Variants in SLC25A53 observed in about 807,000 individuals in gnomAD.
SLC25A53 encodes the protein mitochondrial carrier triple repeat protein 6.
In SLC25A53, 5 loss-of-function variants were observed where a neutral mutation model predicts 15.0. That is an observed-to-expected ratio of 0.33 (90% CI 0.17 to 0.70). SLC25A53 has a LOEUF of 0.70. Among genes scored for constraint, SLC25A53 ranks in the 30% least tolerant of loss-of-function variants. The pLI is 0.67. For synonymous variants in SLC25A53, 95 were observed against 100.0 expected (o/e 0.95, Z 0.30); for missense variants, 216 against 241.6 (o/e 0.89, Z 0.70).
chrX:104,118,146 G>A (rs1229424993), intron 1 of SLC25A53, among the ~76,000 whole-genome samples: 1 of 112,651 alleles, frequency 8.9e-6, no homozygotes, highest in Non-Finnish European at 1.9e-5. Flanking sequence ...ACAGGGTTAA[G>A]TGAAAGAAGG....
In SLC25A53 at chrX:104,102,460, G is replaced by A. The variant is rs2075285333; in HGVS notation, c.*1874C>T. 8.9e-6 allele frequency: 1 copy of A among 112,379 alleles called. No individual in the cohort carries two copies. Among genetic ancestry groups the A allele is most frequent in the South Asian group, 3.7e-4 (1 of 2,716 alleles). 9.3% of individuals were successfully genotyped at this position (112,379 alleles called of 1,213,427 possible). ...AACTCATCAAATGTGCCAGTTGAAA[G>A]TAATTTTTATTATTGTTATTATTAT... On this transcript the variant is annotated 3_prime_UTR_variant, in exon 2 of 2. Transcript: ENST00000594199.
At chrX:104,149,267 C>A (rs1286344080) in intron 1 of SLC25A53, among the ~76,000 whole-genome samples, 1 of 112,605 alleles carries the variant, frequency 8.9e-6, no homozygotes, top group Non-Finnish European at 1.9e-5. Flanking sequence ...CGTAATAAAC[C>A]AATCCAAATT....
chrX:104,139,486 C>T (rs1426716440), intron 1 of SLC25A53, among the ~76,000 whole-genome samples: 1 of 111,617 alleles, frequency 9.0e-6, no homozygotes, highest in African/African-American at 3.3e-5. Flanking sequence ...CACTGCACTC[C>T]AGCCTAGACA....
intron 1 of SLC25A53, among the ~76,000 whole-genome samples, chrX:104,124,140 T>C (rs781934488): frequency 8.9e-6 from 1 of 111,832 alleles, no homozygotes; most frequent in Non-Finnish European, 1.9e-5. Flanking sequence ...ATCGCCACAC[T>C]GTCTTCCACA....
At chrX:104,130,321 C>T (rs1602498895) in intron 1 of SLC25A53, among the ~76,000 whole-genome samples, 1 of 111,435 alleles carries the variant, frequency 9.0e-6, no homozygotes, top group Non-Finnish European at 1.9e-5. Context: ...GACAAGCTGA[C>T]TCTGTGGAAG....
In SLC25A53 at chrX:104,104,558, C is replaced by A; in HGVS notation, c.700G>T (p.Val234Leu). The part of the protein sequence containing the change: ...ITCLVLYPLI[V>L]LVANMQSHIG... ...TGGGACTGCATATTAGCAACCAGCA[C>A]AATCAGAGGATACAGAACTAGGCAG... is the stretch of plus-strand genomic sequence containing the variant. The change falls in exon 2 of 2, where the codon GTG becomes TTG. Residue 234 changes from valine (V) to leucine (L), a missense_variant. Val to Leu is a conservative substitution (Grantham distance 32, BLOSUM62 1). Coordinates refer to ENST00000594199, the MANE Select transcript of SLC25A53 (RefSeq NM_001012755.5). 8.3e-7 allele frequency: 1 copy of A among 1,211,841 alleles called. No homozygotes were observed. The highest frequency in any genetic ancestry group is 1.1e-6 in the Non-Finnish European group (1 of 895,494).
Position 104,105,210 on chromosome X carries a change from C to T in SLC25A53, c.48G>A (p.Thr16=), listed in dbSNP as rs781946046. The T allele has an allele frequency of 1.2e-4, 144 of 1,210,002 alleles. No homozygotes were observed. The highest frequency in any genetic ancestry group is 5.9e-4 in the Admixed American group (27 of 45,846). Reference sequence around the variant, plus strand: ...TTTTCTTTCCTGGAGCCTCTGCTCGCGTCCTGTGCTGAAGCTCCTTCCCGG... The same window carrying T: ...TTTTCTTTCCTGGAGCCTCTGCTCGTGTCCTGTGCTGAAGCTCCTTCCCGG... The part of the protein sequence containing the change: ...HSPGKELQHR[T]RAEAPGKKSW... Residue 16 remains threonine, a synonymous_variant, in exon 2 of 2, where the codon ACG becomes ACA. Coordinates refer to ENST00000594199, the MANE Select transcript of SLC25A53 (RefSeq NM_001012755.5).
At chrX:104,113,689 TC>T in intron 1 of SLC25A53, 1 of 131,943 alleles carries the variant, frequency 7.6e-6, no homozygotes, top group African/African-American at 3.2e-5. Context: ...ACCATTGAGT[TC>T]CGTTTTGAGG....
At chrX:104,149,272 C>T (rs1409036022) in intron 1 of SLC25A53, among the ~76,000 whole-genome samples, 2 of 112,623 alleles carry the variant, frequency 1.8e-5, no homozygotes, top group Admixed American at 1.9e-4. Context: ...TAAACCAATC[C>T]AAATTTAGTG....
At chrX:104,114,202 A>G (rs2075364166) in intron 1 of SLC25A53, 3 of 1,208,385 alleles carry the variant, frequency 2.5e-6, no homozygotes, top group South Asian at 1.8e-5. Flanking sequence ...GTCTCTGGGG[A>G]GGAGTCTCTG....
intron 1 of SLC25A53, chrX:104,114,027 C>T: frequency 1.7e-6 from 2 of 1,187,816 alleles, no homozygotes; most frequent in South Asian, 1.9e-5. Context: ...AGCCCAGGAA[C>T]GTTGCTTTGG....
rs782567637 is a variant in SLC25A53, at chrX:104,101,979, G to A, written c.*2355C>T. ...GAAATCACCAGTGTACTTGGGAGAT[G>A]AATGCATCTTTTTCCTTTCCTTATG... is the stretch of plus-strand genomic sequence containing the variant. On this transcript the variant is annotated 3_prime_UTR_variant, in exon 2 of 2. Coordinates refer to ENST00000594199, the MANE Select transcript of SLC25A53 (RefSeq NM_001012755.5). 8.9e-6 allele frequency: 1 copy of A among 112,325 alleles called. No individual in the cohort carries two copies. Among genetic ancestry groups the A allele is most frequent in the East Asian group, 2.8e-4 (1 of 3,580 alleles). The allele number at this position is 112,325 out of a possible 1,213,427, so 9.3% of individuals were successfully genotyped here. A position where few individuals can be genotyped will look rare whatever the true frequency, so the allele number is the denominator to read the frequency against.
intron 1 of SLC25A53, among the ~76,000 whole-genome samples, chrX:104,141,723 G>A (rs1372466064): frequency 1.8e-5 from 2 of 110,866 alleles, no homozygotes; most frequent in Non-Finnish European, 3.8e-5. Context: ...GAGTAGCTGG[G>A]ACCACAGGCA....
chrX:104,123,502 G>T (rs1000650704), intron 1 of SLC25A53, among the ~76,000 whole-genome samples: 3 of 112,240 alleles, frequency 2.7e-5, no homozygotes, highest in African/African-American at 9.7e-5. Flanking sequence ...AAATTTGAGA[G>T]AAATTGTTCT....
chrX:104,154,351 T>C (rs1337357925), intron 1 of SLC25A53, among the ~76,000 whole-genome samples: 1 of 112,012 alleles, frequency 8.9e-6, no homozygotes, highest in Non-Finnish European at 1.9e-5. Flanking sequence ...GGCCAGGATA[T>C]GGAGAAAAGG....
chrX:104,101,448 C>T lies in SLC25A53; in HGVS notation c.*2886G>A, dbSNP rs1412898802. On this transcript the variant is annotated 3_prime_UTR_variant, in exon 2 of 2. Coordinates refer to ENST00000594199, the MANE Select transcript of SLC25A53 (RefSeq NM_001012755.5). ...CTTGGTCTTCCTGGTGACTAGTTCC[C>T]ATCCTGAAGCAACCAGAGGCTGCCA... 1 of 112,075 alleles carries T rather than the reference C, an allele frequency of 8.9e-6. No homozygotes were observed. Among genetic ancestry groups the T allele is most frequent in the Non-Finnish European group, 1.9e-5 (1 of 53,235 alleles). The allele number at this position is 112,075 out of a possible 1,213,427, so 9.2% of individuals were successfully genotyped here. A position where few individuals can be genotyped will look rare whatever the true frequency, so the allele number is the denominator to read the frequency against.
At chrX:104,137,558 T>C (rs1245464362) in intron 1 of SLC25A53, among the ~76,000 whole-genome samples, 2 of 111,387 alleles carry the variant, frequency 1.8e-5, no homozygotes, top group African/African-American at 6.5e-5. Context: ...AACGAGCCAT[T>C]TGCCGACTAG....
Position 104,115,042 on chromosome X carries a change from G to C in SLC25A53, c.-31-9754C>G, listed in dbSNP as rs782379754. On this transcript the variant is annotated intron_variant, in intron 1 of 1. Coordinates refer to ENST00000594199, the MANE Select transcript of SLC25A53 (RefSeq NM_001012755.5). ...ACCTCTGGATCAAGTGCTGGTTATT[G>C]ATTCCCCCAACAATTCTGGGGCTCA... is the stretch of plus-strand genomic sequence containing the variant. The C allele has an allele frequency of 9.2e-6, 11 of 1,194,075 alleles. No homozygotes were observed. In the Admixed American group the frequency reaches 2.1e-4, roughly 22 times the overall value.
At chrX:104,106,019 T>G (rs1556355972) in intron 1 of SLC25A53, among the ~76,000 whole-genome samples, 2 of 111,879 alleles carry the variant, frequency 1.8e-5, no homozygotes, top group Non-Finnish European at 3.8e-5. Flanking sequence ...TTGGCGCCTG[T>G]CCTCTGCACT....
Sources: gnomAD v4.1 joint callset for allele counts (sites outside exome capture counted in the v4.1 genomes callset) on GRCh38, gnomAD v4.1.1 for gene constraint, MANE v1.5 for transcripts, NCBI Gene and HGNC (gene_info 2026-07-23, HGNC 2026-07-21) for gene names.